The following TMEFF2 variants were observed in gnomAD, a reference collection of about 807,000 sequenced individuals.
TMEFF2 encodes tomoregulin-2.
TMEFF2 carries 28 observed loss-of-function variants against 53.8 expected under a neutral mutation model. The observed-to-expected ratio is 0.52, with a 90% CI of 0.39 to 0.71. The LOEUF (loss-of-function observed/expected upper bound fraction) is 0.71, where lower values mean the gene tolerates loss of function less well. Among genes scored for constraint, TMEFF2 ranks in the 30% least tolerant of loss-of-function variants. The probability of loss-of-function intolerance (pLI) is 0.00; values close to 1 mark genes in which losing one functional copy is unlikely to be tolerated. For missense variants in TMEFF2, 353 were observed against 455.2 expected (o/e 0.78, Z 2.04); for synonymous variants, 162 against 166.3 (o/e 0.97, Z 0.20).
chr2:191,996,486 CAATTT>C (rs1203874791), intron 7 of TMEFF2, among the ~76,000 whole-genome samples: 1 of 151,702 alleles, frequency 6.6e-6, no homozygotes, highest in East Asian at 1.9e-4. Flanking sequence ...AAAATATATA[CAATTT>C]AAATTTGTTT....
chr2:191,972,712 G>T lies in TMEFF2; in HGVS notation c.746-16334C>A, dbSNP rs75380689. On this transcript the variant is annotated intron_variant, in intron 7 of 9. Transcript: ENST00000272771. ...ATGACCTGTTTATGTATTGCAAAAT[G>T]GTAGGAACTATTCCAAGATGATGCA... 2.0e-5 allele frequency among the ~76,000 whole-genome samples: 3 copies of T among 152,202 alleles called. No individual in the cohort carries two copies. The East Asian group carries it at 5.8e-4, about 29-fold the overall frequency.
chr2:192,028,070 G>A (rs1574302064), intron 5 of TMEFF2: 1 of 103,682 alleles, frequency 9.6e-6, no homozygotes, highest in African/African-American at 3.9e-5. Context: ...GGGGGGGGGG[G>A]GTCTTTCTTG....
intron 7 of TMEFF2, among the ~76,000 whole-genome samples, chr2:191,968,172 A>C (rs768056434): frequency 6.6e-6 from 1 of 152,256 alleles, no homozygotes. Flanking sequence ...ACAGGAACAG[A>C]TAACACAGCT....
At chr2:192,070,866 G>A (rs1335091142) in intron 4 of TMEFF2, among the ~76,000 whole-genome samples, 1 of 151,856 alleles carries the variant, frequency 6.6e-6, no homozygotes. Flanking sequence ...TTAAAGTTGT[G>A]TACTAAATGT....
chr2:192,178,708 C>T (rs1315942048), intron 4 of TMEFF2: 1 of 151,236 alleles, frequency 6.6e-6, no homozygotes, highest in African/African-American at 2.4e-5. Context: ...AAAGGGTGCA[C>T]TAAATATCTG....
Position 192,121,469 on chromosome 2 carries a change from G to T in TMEFF2, c.439+58199C>A, listed in dbSNP as rs140816577. On this transcript the variant is annotated intron_variant, in intron 4 of 9. Coordinates refer to ENST00000272771, the MANE Select transcript of TMEFF2 (RefSeq NM_016192.4). ...AAGGAGGGGAAGGAGGAGGTGGAAG[G>T]ACCAGGCTATAGGGGCAAGATAAGG... 2.9e-3 allele frequency among the ~76,000 whole-genome samples: 447 copies of T among 152,242 alleles called. 2 individuals are homozygous for T. The highest frequency in any genetic ancestry group is 0.01 in the African/African-American group (430 of 41,554).
chr2:192,036,970 C>T (rs1260515980), intron 5 of TMEFF2: 1 of 152,064 alleles, frequency 6.6e-6, no homozygotes, highest in Admixed American at 6.5e-5. Flanking sequence ...CTTGTTTGTT[C>T]ATTTCTTTAT....
At chr2:192,118,458 C>T (rs2356943) in intron 4 of TMEFF2, among the ~76,000 whole-genome samples, 145,018 of 152,248 alleles carry the variant, frequency 0.95, 69,425 homozygotes, top group Non-Finnish European at 1. Context: ...ATATAAGTCA[C>T]AGTGTGACAA....
chr2:192,187,472 A>C (rs1283408532), intron 2 of TMEFF2, among the ~76,000 whole-genome samples: 1 of 152,214 alleles, frequency 6.6e-6, no homozygotes. Context: ...CTAAGCATGA[A>C]ATAGCCTAAC....
intron 5 of TMEFF2, among the ~76,000 whole-genome samples, chr2:192,016,534 G>A (rs908977314): frequency 6.6e-6 from 1 of 152,168 alleles, no homozygotes; most frequent in African/African-American, 2.4e-5. Context: ...GCTCTCAGTA[G>A]ATGAAATATG....
intron 7 of TMEFF2, among the ~76,000 whole-genome samples, chr2:191,985,202 G>GA (rs1038315131): frequency 2.8e-4 from 42 of 150,940 alleles, no homozygotes; most frequent in Middle Eastern, 3.5e-3. Context: ...TAGGAAAAAG[G>GA]AAAAAAAAGA....
intron 4 of TMEFF2, among the ~76,000 whole-genome samples, chr2:192,083,811 A>G (rs1308627751): frequency 6.6e-6 from 1 of 151,640 alleles, no homozygotes. Context: ...TCTGTCTCCA[A>G]TTCTAAACTT....
intron 4 of TMEFF2, among the ~76,000 whole-genome samples, chr2:192,077,790 A>G (rs1688466257): frequency 6.6e-6 from 1 of 152,088 alleles, no homozygotes; most frequent in Non-Finnish European, 1.5e-5. Context: ...ATACAATTTT[A>G]TATGTATGTA....
At chr2:192,013,774 T>C (rs74271766) in intron 5 of TMEFF2, among the ~76,000 whole-genome samples, 9,370 of 152,300 alleles carry the variant, frequency 0.062, 387 homozygotes, top group African/African-American at 0.11. Context: ...TTTAATTGTC[T>C]GTTTTCTTCA....
intron 4 of TMEFF2, among the ~76,000 whole-genome samples, chr2:192,077,292 G>A (rs35602760): frequency 0.012 from 1,803 of 152,204 alleles, 16 homozygotes; most frequent in Non-Finnish European, 0.019. Flanking sequence ...CTGTCAATTA[G>A]CAAAGAAGAA....
chr2:192,076,633 A>AC (rs1688438589), intron 4 of TMEFF2, among the ~76,000 whole-genome samples: 1 of 152,132 alleles, frequency 6.6e-6, no homozygotes, highest in Non-Finnish European at 1.5e-5. Context: ...AAAAAGCAGC[A>AC]AGTTCATTTA....
chr2:192,167,241 G>T (rs1028919954), intron 4 of TMEFF2, among the ~76,000 whole-genome samples: 99 of 152,216 alleles, frequency 6.5e-4, no homozygotes, highest in Non-Finnish European at 1.8e-4. Flanking sequence ...AGCATTAAAT[G>T]CTATTTTAGA....
chr2:192,174,930 A>G (rs1049934221), intron 4 of TMEFF2, among the ~76,000 whole-genome samples: 1 of 151,678 alleles, frequency 6.6e-6, no homozygotes, highest in Non-Finnish European at 1.5e-5. Flanking sequence ...ATGGAAGGGA[A>G]AATTACTTAG....
At chr2:192,187,627 T>C (rs1113932) in intron 2 of TMEFF2, among the ~76,000 whole-genome samples, 12,753 of 152,198 alleles carry the variant, frequency 0.084, 606 homozygotes, top group South Asian at 0.1. Context: ...AAAACAAGAC[T>C]CAAGTTCAGA....
Sources: allele counts gnomAD v4.1 joint callset (sites outside exome capture counted in the v4.1 genomes callset), GRCh38; gene constraint gnomAD v4.1.1; transcripts MANE v1.5; gene names NCBI Gene and HGNC (gene_info 2026-07-23, HGNC 2026-07-21).